STPG2: variants seen among roughly 807,000 people sequenced by gnomAD.
The protein encoded by STPG2 is sperm-tail PG-rich repeat-containing protein 2.
In STPG2, 56 loss-of-function variants were observed where a neutral mutation model predicts 54.2. The observed-to-expected ratio is 1.03, with a 90% CI of 0.83 to 1.29. The LOEUF (loss-of-function observed/expected upper bound fraction) is 1.29, where lower values mean the gene tolerates loss of function less well. Ranked by LOEUF, STPG2 falls within the 50% of genes most tolerant of loss-of-function variation. STPG2 has a pLI of 0.00. For synonymous variants in STPG2, 200 were observed against 181.8 expected, an observed-to-expected ratio of 1.10 and a Z score of -0.81; for missense variants, 596 against 544.9, an observed-to-expected ratio of 1.09 and a Z score of -0.93.
intron 9 of STPG2, among the ~76,000 whole-genome samples, chr4:97,773,062 G>A (rs190010309): frequency 6.6e-6 from 1 of 152,234 alleles, no homozygotes; most frequent in Non-Finnish European, 1.5e-5. Context: ...TAATGAAATT[G>A]TATCATCACT....
At chr4:97,472,943 C>T (rs189310288) in intron 4 of STPG2, among the ~76,000 whole-genome samples, 17 of 152,288 alleles carry the variant, frequency 1.1e-4, no homozygotes, top group African/African-American at 4.1e-4. Flanking sequence ...TTTATAATTG[C>T]TTATGCCTGT....
intron 8 of STPG2, among the ~76,000 whole-genome samples, chr4:97,930,662 C>T (rs913276833): frequency 2.0e-5 from 3 of 152,124 alleles, no homozygotes; most frequent in African/African-American, 4.8e-5. Flanking sequence ...GCTATTAAGG[C>T]TCTTTTTTGG....
intron 8 of STPG2, among the ~76,000 whole-genome samples, chr4:97,915,656 A>G (rs569164282): frequency 3.3e-5 from 5 of 152,030 alleles, no homozygotes; most frequent in Non-Finnish European, 4.4e-5. Flanking sequence ...GGTGGAAAAA[A>G]ATTGTACAAG....
intron 8 of STPG2, among the ~76,000 whole-genome samples, chr4:97,867,701 C>T (rs1406155869): frequency 6.6e-6 from 1 of 151,958 alleles, no homozygotes; most frequent in African/African-American, 2.4e-5. Flanking sequence ...TGCAGCAGTC[C>T]CATAGTAATA....
chr4:98,126,596 A>G (rs968093905), intron 3 of STPG2, among the ~76,000 whole-genome samples: 4 of 152,060 alleles, frequency 2.6e-5, no homozygotes, highest in East Asian at 1.9e-4. Flanking sequence ...GTCAGTCCCA[A>G]TGAGAGAACC....
chr4:97,529,643 C>T (rs1731368770), intron 4 of STPG2, among the ~76,000 whole-genome samples: 1 of 152,164 alleles, frequency 6.6e-6, no homozygotes, highest in Non-Finnish European at 1.5e-5. Context: ...CTATTAATTA[C>T]TGCCTCAATT....
At chr4:98,053,454 A>T (rs1371300248) in intron 5 of STPG2, among the ~76,000 whole-genome samples, 1 of 152,140 alleles carries the variant, frequency 6.6e-6, no homozygotes, top group Non-Finnish European at 1.5e-5. Context: ...CTTCCAGCAG[A>T]GACAAACTCT....
intron 10 of STPG2, among the ~76,000 whole-genome samples, chr4:97,643,570 GTTACT>G (rs1336948679): frequency 6.6e-6 from 1 of 151,656 alleles, no homozygotes; most frequent in Non-Finnish European, 1.5e-5. Flanking sequence ...AGCTCTGTAA[GTTACT>G]TTAAAGGGCT....
intron 9 of STPG2, among the ~76,000 whole-genome samples, chr4:97,796,144 G>C (rs1175599388): frequency 3.9e-5 from 6 of 152,160 alleles, no homozygotes; most frequent in African/African-American, 1.4e-4. Context: ...CTCCCATTCT[G>C]TAGGTTGCCT....
chr4:97,498,203 C>CA (rs1730651292), intron 4 of STPG2, among the ~76,000 whole-genome samples: 1 of 151,924 alleles, frequency 6.6e-6, no homozygotes, highest in Non-Finnish European at 1.5e-5. Flanking sequence ...TATAATGACT[C>CA]AGTTTTTATT....
At chr4:97,624,169 T>C (rs560710617) in intron 10 of STPG2, among the ~76,000 whole-genome samples, 1 of 152,266 alleles carries the variant, frequency 6.6e-6, no homozygotes, top group South Asian at 2.1e-4. Flanking sequence ...TAGGATTGCT[T>C]GGCCAAATGG....
chr4:97,669,999 C>T (rs924442906), intron 10 of STPG2, among the ~76,000 whole-genome samples: 4 of 151,820 alleles, frequency 2.6e-5, no homozygotes, highest in Non-Finnish European at 4.4e-5. Context: ...CTGAAAAGCA[C>T]ATTTTTTTAT....
rs756444429 is a variant in STPG2, at chr4:97,972,322, A to T, written c.891T>A (p.Val297=). ...GSSVPRTFFS[V]QKEACATPGP... is the part of the protein sequence containing the mutation. ...CAGGGGTAGCACAAGCTTCTTTCTGAACCGAGAAGAAAGTCCGAGGAACAG... is the reference window on the plus strand; with the variant it reads ...CAGGGGTAGCACAAGCTTCTTTCTGTACCGAGAAGAAAGTCCGAGGAACAG... The change falls in exon 7 of 11, where the codon GTT becomes GTA. Residue 297 remains valine, a synonymous_variant. Coordinates refer to ENST00000295268, the MANE Select transcript of STPG2 (RefSeq NM_174952.3). The T allele has an allele frequency of 3.1e-6, 5 of 1,608,380 alleles. No individual in the cohort carries two copies. The Admixed American group carries it at 8.5e-5, about 27-fold the overall frequency.
intron 2 of STPG2, among the ~76,000 whole-genome samples, chr4:98,132,780 A>T (rs1370593299): frequency 1.3e-5 from 2 of 151,996 alleles, no homozygotes; most frequent in Admixed American, 6.6e-5. Flanking sequence ...GATAGCAATT[A>T]TAGTTGTCAG....
intron 8 of STPG2, among the ~76,000 whole-genome samples, chr4:97,931,609 T>C (rs867396166): frequency 1.3e-5 from 2 of 152,214 alleles, no homozygotes; most frequent in Non-Finnish European, 2.9e-5. Flanking sequence ...GATTTTTGCA[T>C]CAATATTCAA....
At chr4:97,868,849 A>G (rs1729883456) in intron 8 of STPG2, among the ~76,000 whole-genome samples, 1 of 151,794 alleles carries the variant, frequency 6.6e-6, no homozygotes, top group Non-Finnish European at 1.5e-5. Flanking sequence ...TGCCTGATAA[A>G]TATTCTCAAT....
At chr4:97,720,487 C>A (rs545504553) in intron 9 of STPG2, among the ~76,000 whole-genome samples, 12 of 151,920 alleles carry the variant, frequency 7.9e-5, no homozygotes, top group African/African-American at 2.9e-4. Context: ...CATTAGATGT[C>A]TCAGCACCTC....
At chr4:97,479,941 C>A (rs1374747306) in intron 4 of STPG2, among the ~76,000 whole-genome samples, 1 of 151,758 alleles carries the variant, frequency 6.6e-6, no homozygotes, top group Non-Finnish European at 1.5e-5. Context: ...AACTATAATT[C>A]TGTAGATCCA....
At chr4:97,606,889 T>G (rs1733609035) in intron 10 of STPG2, among the ~76,000 whole-genome samples, 1 of 151,988 alleles carries the variant, frequency 6.6e-6, no homozygotes, top group Non-Finnish European at 1.5e-5. Flanking sequence ...TGGACATATT[T>G]TAAATTAAAT....
Sources: gnomAD v4.1 joint callset for allele counts (sites outside exome capture counted in the v4.1 genomes callset) on GRCh38, gnomAD v4.1.1 for gene constraint, MANE v1.5 for transcripts, NCBI Gene and HGNC (gene_info 2026-07-23, HGNC 2026-07-21) for gene names.